CHODL: variants seen among roughly 807,000 people sequenced by gnomAD.
CHODL encodes chondrolectin.
A neutral mutation model predicts 34.5 loss-of-function variants in CHODL; 29 were observed. The ratio of observed to expected loss-of-function variants is 0.84; its 90% CI spans 0.63 to 1.15. The LOEUF is 1.15. Among genes scored for constraint, CHODL ranks in the 50% most tolerant of loss-of-function variants. The probability of loss-of-function intolerance (pLI) is 0.00; values close to 1 mark genes in which losing one functional copy is unlikely to be tolerated. For synonymous variants in CHODL, 125 were observed against 116.1 expected (o/e 1.08, Z -0.49); for missense variants, 332 against 332.5 (o/e 1.00, Z 0.01).
intron 2 of CHODL, among the ~76,000 whole-genome samples, chr21:18,079,540 A>G (rs961358948): frequency 6.7e-6 from 1 of 149,872 alleles, no homozygotes; most frequent in Non-Finnish European, 1.5e-5. Flanking sequence ...TATATATACC[A>G]TATGTATGTG....
chr21:18,207,309 A>G (rs944411472), intron 2 of CHODL, among the ~76,000 whole-genome samples: 6 of 152,188 alleles, frequency 3.9e-5, no homozygotes, highest in African/African-American at 1.4e-4. Context: ...TAAATTGATG[A>G]CAACACTGAT....
intron 1 of CHODL, among the ~76,000 whole-genome samples, chr21:17,988,433 A>G (rs2146384525): frequency 7.3e-6 from 1 of 136,076 alleles, no homozygotes; most frequent in Non-Finnish European, 1.5e-5. Context: ...GTTTTAGGGT[A>G]CATGTGCACA....
chr21:18,047,373 A>G (rs2064457127), intron 2 of CHODL, among the ~76,000 whole-genome samples: 1 of 151,958 alleles, frequency 6.6e-6, no homozygotes, highest in African/African-American at 2.4e-5. Flanking sequence ...TGCAGAGGCC[A>G]CAGCTTTGAC....
chr21:17,926,029 A>G (rs1382916301), intron 1 of CHODL, among the ~76,000 whole-genome samples: 1 of 152,332 alleles, frequency 6.6e-6, no homozygotes, highest in East Asian at 1.9e-4. Flanking sequence ...CAATAAGCAT[A>G]ATGAGAACAT....
intron 2 of CHODL, among the ~76,000 whole-genome samples, chr21:18,065,834 G>A (rs157731): frequency 0.39 from 59,659 of 151,956 alleles, 13,000 homozygotes; most frequent in East Asian, 0.95. Flanking sequence ...GAGGGTATTA[G>A]GAAATGCATC....
At chr21:18,201,340 A>G (rs912146859) in intron 2 of CHODL, among the ~76,000 whole-genome samples, 2 of 152,168 alleles carry the variant, frequency 1.3e-5, no homozygotes, top group African/African-American at 2.4e-5. Flanking sequence ...TTATTTTAAT[A>G]AACTCTTATA....
chr21:18,181,489 G>A (rs1379703286), intron 2 of CHODL, among the ~76,000 whole-genome samples: 4 of 152,006 alleles, frequency 2.6e-5, no homozygotes, highest in African/African-American at 4.8e-5. Flanking sequence ...TGCAAGCTCC[G>A]CCTCCTGGGT....
rs369447602 is a variant in CHODL, at chr21:18,050,151, G to A, written c.-45+22180G>A. On this transcript the variant is annotated intron_variant, in intron 2 of 6. Coordinates refer to the CHODL transcript ENST00000400127. ...AGAAAAAGGGTGTGAAACCTGCTTC[G>A]TGTGATCCTTAGGAAACACTCCACA... is the stretch of plus-strand genomic sequence containing the variant. Among the ~76,000 whole-genome samples, 36 of 152,010 alleles carry A rather than the reference G, an allele frequency of 2.4e-4. No individual in the cohort carries two copies. The East Asian group carries it at 2.7e-3, about 12-fold the overall frequency.
At chr21:18,105,493 T>A (rs1379246788) in intron 2 of CHODL, among the ~76,000 whole-genome samples, 1 of 152,156 alleles carries the variant, frequency 6.6e-6, no homozygotes, top group Non-Finnish European at 1.5e-5. Flanking sequence ...TTGCTTGAAA[T>A]TAAGGATCCT....
chr21:18,139,429 A>G (rs932720537), intron 2 of CHODL, among the ~76,000 whole-genome samples: 7 of 152,024 alleles, frequency 4.6e-5, no homozygotes, highest in South Asian at 2.1e-4. Flanking sequence ...GAGTGTCATT[A>G]GGGAGTTATG....
intron 1 of CHODL, among the ~76,000 whole-genome samples, chr21:17,982,594 T>A (rs954274505): frequency 7.9e-5 from 12 of 151,702 alleles, no homozygotes; most frequent in East Asian, 1.9e-4. Context: ...TTAAAAAAAA[T>A]TTTATAAGCT....
In CHODL at chr21:18,266,187, T is replaced by TA. The variant is rs1311033630; in HGVS notation, c.*150dup. 3.9e-6 allele frequency: 6 copies of TA among 1,545,126 alleles called. No individual in the cohort carries two copies. The South Asian group carries it at 7.2e-5, about 19-fold the overall frequency. ...TTGAGGCAAATATTAAAGTAATTTT[T>TA]ATATGTCTATTATTTCATTTAAAGA... On this transcript the variant is annotated 3_prime_UTR_variant, in exon 6 of 6. Coordinates refer to ENST00000299295, the MANE Select transcript of CHODL (RefSeq NM_024944.3).
chr21:18,131,601 T>G (rs555850631), intron 2 of CHODL, among the ~76,000 whole-genome samples: 9 of 152,286 alleles, frequency 5.9e-5, no homozygotes, highest in Non-Finnish European at 1.0e-4. Context: ...ATCTTCCCAT[T>G]ATCTTTGCTT....
intron 2 of CHODL, among the ~76,000 whole-genome samples, chr21:18,028,157 A>G (rs2064196857): frequency 6.6e-6 from 1 of 152,106 alleles, no homozygotes; most frequent in South Asian, 2.1e-4. Flanking sequence ...CAAGTAAATT[A>G]GCTATCTCTG....
chr21:17,960,769 C>T (rs2063526416), intron 1 of CHODL, among the ~76,000 whole-genome samples: 1 of 152,120 alleles, frequency 6.6e-6, no homozygotes, highest in Non-Finnish European at 1.5e-5. Context: ...GTCATTCTCT[C>T]TTCTCCAGGA....
intron 2 of CHODL, among the ~76,000 whole-genome samples, chr21:18,137,475 A>T (rs1194543045): frequency 6.6e-6 from 1 of 152,148 alleles, no homozygotes; most frequent in Non-Finnish European, 1.5e-5. Context: ...GCGTTTTTCA[A>T]CAGGTGCCTT....
At chr21:18,063,497 G>A (rs2146488346) in intron 2 of CHODL, among the ~76,000 whole-genome samples, 1 of 152,254 alleles carries the variant, frequency 6.6e-6, no homozygotes, top group Admixed American at 6.5e-5. Flanking sequence ...ATTGATTGAA[G>A]AGAAAATCGG....
chr21:18,232,551 A>G (rs940960209), intron 2 of CHODL, among the ~76,000 whole-genome samples: 1 of 146,208 alleles, frequency 6.8e-6, no homozygotes, highest in African/African-American at 2.7e-5. Flanking sequence ...ATCATCTTCC[A>G]AAGTCCCCAC....
chr21:18,174,662 G>C (rs532801290), intron 2 of CHODL, among the ~76,000 whole-genome samples: 1 of 152,160 alleles, frequency 6.6e-6, no homozygotes, highest in South Asian at 2.1e-4. Context: ...GAAAGAACTG[G>C]ACCAGAAAGT....
Sources: allele counts gnomAD v4.1 joint callset (sites outside exome capture counted in the v4.1 genomes callset), GRCh38; gene constraint gnomAD v4.1.1; transcripts MANE v1.5; gene names NCBI Gene and HGNC (gene_info 2026-07-23, HGNC 2026-07-21).